The following TTC28 variants were observed in gnomAD, a reference collection of about 807,000 sequenced individuals.
The protein encoded by TTC28 is tetratricopeptide repeat protein 28.
Under a neutral mutation model 198.0 loss-of-function variants are expected in TTC28, and 61 were observed. The ratio of observed to expected loss-of-function variants is 0.31; its 90% CI spans 0.25 to 0.38. The LOEUF is 0.38. Ranked by LOEUF, TTC28 falls within the 10% of genes least tolerant of loss-of-function variation. The probability of loss-of-function intolerance (pLI) is 1.00; values close to 1 mark genes in which losing one functional copy is unlikely to be tolerated. For synonymous variants in TTC28, 1,171 were observed against 1,297.8 expected (o/e 0.90, Z 2.10); for missense variants, 2,678 against 3,164.0 (o/e 0.85, Z 3.69).
intron 2 of TTC28, 117 bp from the exon 3 acceptor site, chr22:28,306,760 A>G: frequency 9.3e-7 from 1 of 1,076,376 alleles, no homozygotes; most frequent in South Asian, 1.6e-5. Flanking sequence ...TGATTTAAAA[A>G]CCTAGTGAAC....
intron 2 of TTC28, among the ~76,000 whole-genome samples, chr22:28,505,098 T>C (rs2048589638): frequency 6.6e-6 from 1 of 150,974 alleles, no homozygotes; most frequent in Non-Finnish European, 1.5e-5. Flanking sequence ...CTATTAAAAA[T>C]ACAAAAAAAG....
At chr22:28,657,153 T>A (rs887987180) in intron 1 of TTC28, among the ~76,000 whole-genome samples, 7 of 152,214 alleles carry the variant, frequency 4.6e-5, no homozygotes, top group Non-Finnish European at 1.0e-4. Flanking sequence ...GTTAAACTGT[T>A]TGACTTTTGC....
At chr22:28,155,275 C>A (rs1271786854) in intron 6 of TTC28, among the ~76,000 whole-genome samples, 1 of 152,206 alleles carries the variant, frequency 6.6e-6, no homozygotes, top group Non-Finnish European at 1.5e-5. Context: ...AAAGGCATGA[C>A]CATCTTCCAA....
At chr22:28,131,607 T>C (rs1393081970) in intron 6 of TTC28, among the ~76,000 whole-genome samples, 24 of 152,234 alleles carry the variant, frequency 1.6e-4, no homozygotes. Flanking sequence ...TGTATCACTT[T>C]TGAACCACTG....
chr22:28,506,480 T>C (rs540872360), intron 2 of TTC28, among the ~76,000 whole-genome samples: 1 of 151,848 alleles, frequency 6.6e-6, no homozygotes, highest in South Asian at 2.1e-4. Flanking sequence ...GCTGTTCCGG[T>C]CTACCAGCTT....
chr22:28,460,549 T>C (rs150652076), intron 2 of TTC28, among the ~76,000 whole-genome samples: 46 of 152,138 alleles, frequency 3.0e-4, no homozygotes, highest in Admixed American at 2.0e-3. Flanking sequence ...TATGTATATA[T>C]ATATATGTAT....
At chr22:28,140,695 T>C (rs941112904) in intron 6 of TTC28, among the ~76,000 whole-genome samples, 1 of 152,246 alleles carries the variant, frequency 6.6e-6, no homozygotes, top group African/African-American at 2.4e-5. Context: ...GTAATCTTCT[T>C]ATCCATAAAG....
rs1387356545 is a variant in TTC28, at chr22:28,101,203, C to T, written c.3385G>A (p.Ala1129Thr). 7.7e-6 allele frequency: 12 copies of T among 1,551,450 alleles called. No individual in the cohort carries two copies. The highest frequency in any genetic ancestry group is 2.7e-5 in the African/African-American group (2 of 73,050). Reference protein sequence around the residue: ...IRHGLGLSLWASGNLEEAQHQ... With the variant: ...IRHGLGLSLWTSGNLEEAQHQ... ...TGGGCCTCCTCCAAGTTTCCACTAG[C>T]CCAAAGGGAGAGGCCAAGGCCATGG... Residue 1129 changes from alanine (A) to threonine (T), a missense_variant, in exon 9 of 23, where the codon GCT becomes ACT. Ala to Thr is a moderately conservative substitution (Grantham distance 58). This residue lies in a region of TTC28 where 727 missense variants were observed against 861.9 expected (regional missense o/e 0.84). Coordinates refer to ENST00000397906, the MANE Select transcript of TTC28 (RefSeq NM_001145418.2).
rs367758287 is a variant in TTC28 at position 28,230,949 on chromosome 22, T to C, written c.933+65249A>G. Among the ~76,000 whole-genome samples, 20 of 152,346 alleles carry C rather than the reference T, an allele frequency of 1.3e-4. No homozygotes were observed. In the South Asian group the frequency reaches 3.9e-3, roughly 30 times the overall value. ...CACCTATGTGGGAAGCCTGTACTGA[T>C]GAAAAATGTATCAAGTGTTTTATGG... On this transcript the variant is annotated intron_variant, in intron 5 of 22. Coordinates refer to ENST00000397906, the MANE Select transcript of TTC28 (RefSeq NM_001145418.2).
chr22:28,591,199 T>C (rs1380013269), intron 2 of TTC28, among the ~76,000 whole-genome samples: 1 of 149,958 alleles, frequency 6.7e-6, no homozygotes, highest in Non-Finnish European at 1.5e-5. Flanking sequence ...CCCTTAACTT[T>C]CCAGGCTCAA....
intron 2 of TTC28, among the ~76,000 whole-genome samples, chr22:28,348,939 T>C (rs933090113): frequency 3.9e-5 from 6 of 152,200 alleles, no homozygotes; most frequent in African/African-American, 1.4e-4. Flanking sequence ...GTGGGTCCTG[T>C]GCATAATCAC....
rs1409625873 is a variant in TTC28 at position 28,371,598 on chromosome 22, A to ATTTTTTT, written c.382-64962_382-64956dup. ...ATCTTAACCAAAAAAAAAAAAAAAA[A>ATTTTTTT]TTTTTTTTTTTTTTGAGACAGAGTC... On this transcript the variant is annotated intron_variant, in intron 2 of 22. Coordinates refer to ENST00000397906, the MANE Select transcript of TTC28 (RefSeq NM_001145418.2). Among the ~76,000 whole-genome samples, 53 of 27,762 alleles carry ATTTTTTT rather than the reference A, an allele frequency of 1.9e-3. 17 individuals carry two copies. The highest frequency in any genetic ancestry group is 2.0e-3 in the Non-Finnish European group (34 of 17,362). The allele number at this position is 27,762 out of a possible 152,430, so 18.2% of individuals were successfully genotyped here. A position where few individuals can be genotyped will look rare whatever the true frequency, so the allele number is the denominator to read the frequency against.
intron 2 of TTC28, among the ~76,000 whole-genome samples, chr22:28,384,862 TG>T (rs1172152159): frequency 2.0e-5 from 3 of 152,132 alleles, no homozygotes; most frequent in Non-Finnish European, 4.4e-5. Context: ...GACAGGTGGC[TG>T]GGCGTGGTGG....
intron 2 of TTC28, among the ~76,000 whole-genome samples, chr22:28,321,070 T>C (rs2045438687): frequency 1.3e-5 from 2 of 152,288 alleles, no homozygotes; most frequent in South Asian, 2.1e-4. Context: ...TATCAGAAGA[T>C]AAAAGAAATA....
chr22:28,322,045 T>A (rs1459880607), intron 2 of TTC28, among the ~76,000 whole-genome samples: 1 of 152,154 alleles, frequency 6.6e-6, no homozygotes, highest in African/African-American at 2.4e-5. Context: ...TTGGCCAGGC[T>A]GGTCTCGAAC....
intron 2 of TTC28, among the ~76,000 whole-genome samples, chr22:28,591,557 T>C (rs2050436148): frequency 6.6e-6 from 1 of 152,086 alleles, no homozygotes; most frequent in African/African-American, 2.4e-5. Flanking sequence ...CAATTCCAGG[T>C]CCACGTGCTT....
chr22:28,312,181 T>C (rs565637186), intron 2 of TTC28, among the ~76,000 whole-genome samples: 8 of 152,278 alleles, frequency 5.3e-5, no homozygotes, highest in African/African-American at 1.9e-4. Flanking sequence ...TAAATATATA[T>C]GCAACCAATA....
chr22:28,393,930 G>A (rs560424322), intron 2 of TTC28, among the ~76,000 whole-genome samples: 3 of 152,108 alleles, frequency 2.0e-5, no homozygotes, highest in African/African-American at 7.2e-5. Flanking sequence ...TTTGAGATGA[G>A]GTCTTACTAT....
intron 5 of TTC28, among the ~76,000 whole-genome samples, chr22:28,182,708 A>C (rs1320694710): frequency 1.3e-5 from 2 of 152,212 alleles, no homozygotes; most frequent in Non-Finnish European, 2.9e-5. Context: ...GCTCAGGAAC[A>C]AATGTCCCCC....
Sources: gnomAD v4.1 joint callset for allele counts (sites outside exome capture counted in the v4.1 genomes callset) on GRCh38, gnomAD v4.1.1 for gene constraint, gnomAD v4.1.1 regional missense constraint, MANE v1.5 for transcripts, NCBI Gene and HGNC (gene_info 2026-07-23, HGNC 2026-07-21) for gene names.